The following JAKMIP2 variants were observed in gnomAD, a reference collection of about 807,000 sequenced individuals.
JAKMIP2 encodes the protein janus kinase and microtubule interacting protein 2.
JAKMIP2 carries 25 observed loss-of-function variants against 115.0 expected under a neutral mutation model. That is an observed-to-expected ratio of 0.22 (90% CI 0.16 to 0.30). JAKMIP2 has a LOEUF of 0.30. Ranked by LOEUF, JAKMIP2 falls within the 10% of genes least tolerant of loss-of-function variation. JAKMIP2 has a pLI of 1.00. For synonymous variants in JAKMIP2, 334 were observed against 343.6 expected (o/e 0.97, Z 0.31); for missense variants, 642 against 957.6 (o/e 0.67, Z 4.35).
chr5:147,708,335 A>G (rs1752656437), intron 1 of JAKMIP2, among the ~76,000 whole-genome samples: 1 of 152,180 alleles, frequency 6.6e-6, no homozygotes, highest in African/African-American at 2.4e-5. Flanking sequence ...TAAACCACAC[A>G]GCAATTAGGT....
At chr5:147,777,226 C>CT (rs773004560) in intron 1 of JAKMIP2, among the ~76,000 whole-genome samples, 2 of 152,110 alleles carry the variant, frequency 1.3e-5, no homozygotes, top group Non-Finnish European at 1.5e-5. Context: ...AATATAATGC[C>CT]TGACTCACGA....
intron 8 of JAKMIP2, 42 bp downstream of exon 8, chr5:147,641,666 G>C: frequency 7.2e-7 from 1 of 1,389,302 alleles, no homozygotes; most frequent in South Asian, 1.2e-5. Flanking sequence ...CATCTCTCTG[G>C]CTGTTTGTGG....
intron 1 of JAKMIP2, among the ~76,000 whole-genome samples, chr5:147,679,452 G>A (rs17107133): frequency 0.17 from 25,725 of 152,124 alleles, 2,787 homozygotes; most frequent in East Asian, 0.45. Context: ...TTCCAACCTA[G>A]AGAGGAGACA....
At chr5:147,716,712 T>A (rs1444053168) in intron 1 of JAKMIP2, among the ~76,000 whole-genome samples, 2 of 149,652 alleles carry the variant, frequency 1.3e-5, no homozygotes, top group Non-Finnish European at 3.0e-5. Context: ...TTCTTGTAAA[T>A]TTGTTGGAGT....
intron 1 of JAKMIP2, among the ~76,000 whole-genome samples, chr5:147,676,322 C>A (rs1012401103): frequency 6.6e-6 from 1 of 152,118 alleles, no homozygotes. Context: ...GGCGACAGAG[C>A]GAGACTCCGT....
intron 1 of JAKMIP2, among the ~76,000 whole-genome samples, chr5:147,687,896 C>T (rs1760648971): frequency 6.6e-6 from 1 of 152,172 alleles, no homozygotes; most frequent in African/African-American, 2.4e-5. Context: ...AAAATGAAGA[C>T]TTTTAAATTT....
chr5:147,628,896 A>G (rs1376646532), intron 15 of JAKMIP2, 80 bp from the exon 16 acceptor site: 2 of 976,752 alleles, frequency 2.0e-6, no homozygotes, highest in African/African-American at 1.6e-5. Flanking sequence ...ACTGACTGCT[A>G]CAGAGCATTC....
intron 1 of JAKMIP2, among the ~76,000 whole-genome samples, chr5:147,732,667 T>C: frequency 6.6e-6 from 1 of 152,206 alleles, no homozygotes; most frequent in East Asian, 1.9e-4. Flanking sequence ...AGAACTTTAT[T>C]TGCATGATGT....
chr5:147,651,657 C>T (rs1482670545), intron 3 of JAKMIP2, among the ~76,000 whole-genome samples: 1 of 151,984 alleles, frequency 6.6e-6, no homozygotes, highest in Non-Finnish European at 1.5e-5. Flanking sequence ...AATGGTGTTA[C>T]ATAGTCACGT....
At chr5:147,763,123 C>A (rs888866099) in intron 1 of JAKMIP2, among the ~76,000 whole-genome samples, 1 of 152,038 alleles carries the variant, frequency 6.6e-6, no homozygotes, top group African/African-American at 2.4e-5. Flanking sequence ...AACACCAGAC[C>A]ACAGGCAGCC....
At chr5:147,750,561 T>TAC (rs151015424) in intron 1 of JAKMIP2, among the ~76,000 whole-genome samples, 34,994 of 142,766 alleles carry the variant, frequency 0.25, 4,399 homozygotes, top group East Asian at 0.47. Context: ...TGCCAGAAAA[T>TAC]ACACACACAC....
intron 3 of JAKMIP2, among the ~76,000 whole-genome samples, chr5:147,655,490 A>G (rs1417361162): frequency 1.3e-5 from 2 of 152,138 alleles, no homozygotes; most frequent in Admixed American, 1.3e-4. Flanking sequence ...ATTTGTGTAG[A>G]GGCATTTATA....
rs141631478 is a variant in JAKMIP2 at position 147,661,210 on chromosome 5, C to T, written c.365G>A (p.Arg122His). ...CCTTACTTTGTCACTGCTGCCGTCG[C>T]GGAGAGCACAGAGAGCAGACTTGAG... ...QRLKSALCAL[R>H]DGSSDKVRTA... Residue 122 changes from arginine to histidine, a missense_variant, in exon 3 of 22, where the codon CGC becomes CAC. Physicochemically the swap from Arg to His is conservative, Grantham distance 29 (BLOSUM62 0). Coordinates refer to ENST00000616793, the MANE Select transcript of JAKMIP2 (RefSeq NM_001270941.2). 6.6e-4 allele frequency: 1,068 copies of T among 1,614,030 alleles called. No homozygotes were observed. The highest frequency in any genetic ancestry group is 8.3e-4 in the Non-Finnish European group (980 of 1,180,010).
chr5:147,730,644 CAG>C (rs1185148763), intron 1 of JAKMIP2, among the ~76,000 whole-genome samples: 1 of 152,040 alleles, frequency 6.6e-6, no homozygotes, highest in Non-Finnish European at 1.5e-5. Flanking sequence ...TTAGTAGAGA[CAG>C]GGTTTCACTA....
intron 1 of JAKMIP2, among the ~76,000 whole-genome samples, chr5:147,753,000 A>C (rs1272651258): frequency 6.6e-6 from 1 of 152,110 alleles, no homozygotes; most frequent in African/African-American, 2.4e-5. Flanking sequence ...CAGCACAAGA[A>C]ATTGCAAAGC....
chr5:147,689,003 AGAGGTCGACAG>A (rs1760706985), intron 1 of JAKMIP2, among the ~76,000 whole-genome samples: 1 of 152,238 alleles, frequency 6.6e-6, no homozygotes, highest in Admixed American at 6.5e-5. Flanking sequence ...AATACAGAAC[AGAGGTCGACAG>A]GAAGGATCCA....
intron 1 of JAKMIP2, among the ~76,000 whole-genome samples, chr5:147,683,045 A>C (rs1760377628): frequency 6.6e-6 from 1 of 152,186 alleles, no homozygotes; most frequent in African/African-American, 2.4e-5. Context: ...CAGCTGTTGC[A>C]GAGTAAGAAG....
At chr5:147,775,261 A>C in intron 1 of JAKMIP2, among the ~76,000 whole-genome samples, 1 of 152,140 alleles carries the variant, frequency 6.6e-6, no homozygotes, top group Non-Finnish European at 1.5e-5. Context: ...TGCTGCCTTA[A>C]TTTATCTTTG....
chr5:147,741,323 T>G (rs1274149126), intron 1 of JAKMIP2, among the ~76,000 whole-genome samples: 1 of 152,180 alleles, frequency 6.6e-6, no homozygotes, highest in East Asian at 1.9e-4. Flanking sequence ...AAAGAAATTT[T>G]CCAACTTCAG....
Sources: allele counts gnomAD v4.1 joint callset (sites outside exome capture counted in the v4.1 genomes callset), GRCh38; gene constraint gnomAD v4.1.1; transcripts MANE v1.5; gene names NCBI Gene and HGNC (gene_info 2026-07-23, HGNC 2026-07-21).